SLC18A1: variants seen among roughly 807,000 people sequenced by gnomAD.
SLC18A1 encodes the protein solute carrier family 18 member A1, also known as chromaffin granule amine transporter.
Under a neutral mutation model 53.7 loss-of-function variants are expected in SLC18A1, and 69 were observed. The observed-to-expected ratio is 1.28, with a 90% CI of 1.06 to 1.57. The LOEUF is 1.57. Ranked by LOEUF, SLC18A1 falls within the 40% of genes most tolerant of loss-of-function variation. The pLI, the probability that SLC18A1 is intolerant of heterozygous loss-of-function variation, is 0.00. For synonymous variants in SLC18A1, 320 were observed against 248.1 expected, an observed-to-expected ratio of 1.29 and a Z score of -2.72; for missense variants, 932 against 668.1, an observed-to-expected ratio of 1.40 and a Z score of -4.35.
chr8:20,159,976 G>A (rs1357451624), intron 10 of SLC18A1, among the ~76,000 whole-genome samples: 2 of 152,040 alleles, frequency 1.3e-5, no homozygotes, highest in African/African-American at 4.8e-5. Context: ...AGTTTGTCTG[G>A]ATCTCACCAG....
rs774690275 is a variant in SLC18A1, at chr8:20,179,192, G to A, written c.417C>T (p.Val139=). 6.8e-6 allele frequency: 11 copies of A among 1,614,010 alleles called. No individual in the cohort carries two copies. The highest frequency in any genetic ancestry group is 3.3e-5 in the Admixed American group (2 of 60,000). The change falls in exon 3 of 16, where the codon GTC becomes GTT. Residue 139 remains valine, a synonymous_variant. Transcript: ENST00000276373. ...CAGCCTTTGAAGCAAACAGAACCCC[G>A]ACCCGGGTAATCTCTTCCTCCAAGA... ...TGFLEEEITR[V]GVLFASKAVM... is the part of the protein sequence containing the mutation.
chr8:20,176,948 G>A (rs2072266984), intron 4 of SLC18A1, among the ~76,000 whole-genome samples: 2 of 152,142 alleles, frequency 1.3e-5, no homozygotes, highest in South Asian at 4.1e-4. Context: ...TGTGTCTCAT[G>A]TCTCCCCAGG....
In SLC18A1 at chr8:20,147,492, T is replaced by C. The variant is rs902729808; in HGVS notation, c.1331-101A>G. The C allele has an allele frequency of 7.6e-6, 12 of 1,570,390 alleles. No homozygotes were observed. In the African/African-American group the frequency reaches 1.6e-4, roughly 21 times the overall value. On this transcript the variant is annotated intron_variant, in intron 14 of 15. Coordinates refer to ENST00000276373, the MANE Select transcript of SLC18A1 (RefSeq NM_003053.4). ...TAGGGGCAGTGGGTGACCCAGAGGA[T>C]GTCTCAGCGTCAAAGATCTCCAGAA...
chr8:20,145,721 TG>T lies in SLC18A1; in HGVS notation c.*41del. 1 of 1,278,808 alleles carries T rather than the reference TG, an allele frequency of 7.8e-7. No homozygotes were observed. The allele number at this position is 1,278,808 out of a possible 1,614,324, so 79.2% of individuals were successfully genotyped here. A position where few individuals can be genotyped will look rare whatever the true frequency, so the allele number is the denominator to read the frequency against. On this transcript the variant is annotated 3_prime_UTR_variant, in exon 16 of 16. Coordinates refer to ENST00000276373, the MANE Select transcript of SLC18A1 (RefSeq NM_003053.4). ...GGTGATCTGGTCCCAGGGAAAGAGG[TG>T]GTCACTGAGGCATCATGAATTCAAG... is the stretch of plus-strand genomic sequence containing the variant.
chr8:20,173,142 T>A lies in SLC18A1; in HGVS notation c.632-14A>T. ...GCATTCCAAGACCTGCGCAGAGAGT[T>A]ACAGATGCAGCTGGCCCCCTGGGGG... On this transcript the variant is annotated splice_polypyrimidine_tract_variant and intron_variant, in intron 5 of 15. Transcript: ENST00000276373. The A allele has an allele frequency of 6.4e-7, 1 of 1,556,728 alleles. No homozygotes were observed. The highest frequency in any genetic ancestry group is 8.7e-7 in the Non-Finnish European group (1 of 1,150,036).
At chr8:20,152,858 C>G (rs2071592841) in intron 10 of SLC18A1, among the ~76,000 whole-genome samples, 1 of 152,006 alleles carries the variant, frequency 6.6e-6, no homozygotes, top group Non-Finnish European at 1.5e-5. Context: ...AGGAGTCTGG[C>G]CTTTGATCAG....
At chr8:20,150,458 A>G (rs2071522010) in intron 11 of SLC18A1, among the ~76,000 whole-genome samples, 1 of 152,200 alleles carries the variant, frequency 6.6e-6, no homozygotes, top group Admixed American at 6.5e-5. Context: ...CTCTTCTATA[A>G]CAATCAGCTC....
chr8:20,149,456 G>A (rs943215835), intron 12 of SLC18A1, among the ~76,000 whole-genome samples: 6 of 152,024 alleles, frequency 3.9e-5, no homozygotes, highest in Non-Finnish European at 7.4e-5. Context: ...CACTGCAGCT[G>A]GTGGCCTCTT....
intron 10 of SLC18A1, among the ~76,000 whole-genome samples, chr8:20,152,877 T>C (rs534724751): frequency 6.6e-6 from 1 of 152,252 alleles, no homozygotes; most frequent in South Asian, 2.1e-4. Context: ...AGGGCTGGGA[T>C]GCTCCAACCA....
At chr8:20,150,897 G>A (rs1369145058) in intron 10 of SLC18A1, 153 bp from the exon 11 acceptor site, 2 of 662,582 alleles carry the variant, frequency 3.0e-6, no homozygotes, top group Non-Finnish European at 5.4e-6. Flanking sequence ...CAAACCCACA[G>A]TAGTTGCCAT....
chr8:20,178,746 C>G (rs1398820239), intron 3 of SLC18A1, among the ~76,000 whole-genome samples: 1 of 152,110 alleles, frequency 6.6e-6, no homozygotes, highest in Non-Finnish European at 1.5e-5. Context: ...GAGTGTATAT[C>G]TCTTGAAAAT....
chr8:20,158,720 T>C (rs1415701693), intron 10 of SLC18A1, among the ~76,000 whole-genome samples: 1 of 152,112 alleles, frequency 6.6e-6, no homozygotes, highest in South Asian at 2.1e-4. Flanking sequence ...ATCTCAGGAT[T>C]ATCAGTGAGG....
At chr8:20,147,771 C>G (rs1343370968) in intron 13 of SLC18A1, 49 bp from the exon 14 acceptor site, 5 of 1,589,100 alleles carry the variant, frequency 3.1e-6, no homozygotes, top group Non-Finnish European at 4.3e-6. Flanking sequence ...ACAGTTAGTA[C>G]CACCCCGCCT....
At position 20,173,084 on chromosome 8, in the gene SLC18A1, C is replaced by T. The variant is rs1248147274; in HGVS notation, c.676G>A (p.Gly226Arg). ...CCCAGAGCAGTTCCCATGGCTCGTC[C>T]TCTCTCATGGTCATCAGTGTAGACA... ...ASVYTDDHER[G>R]RAMGTALGGL... Residue 226 changes from glycine to arginine, a missense_variant, in exon 6 of 16, where the codon GGA (glycine) becomes AGA (arginine). Transcript: ENST00000276373. 2 of 1,583,934 alleles carry T rather than the reference C, an allele frequency of 1.3e-6. No individual in the cohort carries two copies. The highest frequency in any genetic ancestry group is 1.7e-6 in the Non-Finnish European group (2 of 1,166,038).
intron 8 of SLC18A1, among the ~76,000 whole-genome samples, chr8:20,167,637 T>C (rs2072002224): frequency 6.6e-6 from 1 of 152,088 alleles, no homozygotes; most frequent in Admixed American, 6.5e-5. Flanking sequence ...TTTTGTTTTT[T>C]TGAGACAGAG....
rs528026286 is a variant in SLC18A1, at chr8:20,174,346, A to C, written c.631+15T>G. The C allele has an allele frequency of 1.9e-6, 3 of 1,581,492 alleles. No individual in the cohort carries two copies. The East Asian group carries it at 6.7e-5, about 35-fold the overall frequency. ...TGCCTGCATGTGTGTGTGCATGATGAGTTGCCAGTGTTACCTGCAACAGAT... is the reference window on the plus strand; with the variant it reads ...TGCCTGCATGTGTGTGTGCATGATGCGTTGCCAGTGTTACCTGCAACAGAT... On this transcript the variant is annotated intron_variant, in intron 5 of 15. Coordinates refer to ENST00000276373, the MANE Select transcript of SLC18A1 (RefSeq NM_003053.4).
Position 20,168,717 on chromosome 8 carries a change from A to G in SLC18A1, c.858+2386T>C, listed in dbSNP as rs1029284878. On this transcript the variant is annotated intron_variant, in intron 8 of 15. Transcript: ENST00000276373. Reference sequence around the variant, plus strand: ...CTGAGTAGCTGGGATTACGGTGTGCACCACCATGCCCAGCTAATTTTTTTG... The same window carrying G: ...CTGAGTAGCTGGGATTACGGTGTGCGCCACCATGCCCAGCTAATTTTTTTG... Among the ~76,000 whole-genome samples the G allele has an allele frequency of 2.0e-5, 3 of 152,124 alleles. No homozygotes were observed. The South Asian group carries it at 6.2e-4, about 32-fold the overall frequency.
chr8:20,150,299 A>T (rs975530910), intron 11 of SLC18A1, among the ~76,000 whole-genome samples: 10 of 152,008 alleles, frequency 6.6e-5, no homozygotes, highest in Admixed American at 1.3e-4. Flanking sequence ...CCTCTATAGA[A>T]CTCCTTAGGA....
intron 6 of SLC18A1, among the ~76,000 whole-genome samples, 186 bp downstream of exon 6, chr8:20,172,850 C>A (rs1463701938): frequency 1.3e-5 from 2 of 152,164 alleles, no homozygotes; most frequent in South Asian, 4.1e-4. Flanking sequence ...CTTTCTCCGA[C>A]GTTTATGTGT....
Sources: allele counts gnomAD v4.1 joint callset (sites outside exome capture counted in the v4.1 genomes callset), GRCh38; gene constraint gnomAD v4.1.1; transcripts MANE v1.5; gene names NCBI Gene and HGNC (gene_info 2026-07-23, HGNC 2026-07-21).